The following XKR9 variants were observed in gnomAD, a reference collection of about 807,000 sequenced individuals.
The protein encoded by XKR9 is XK related 9.
XKR9 carries 32 observed loss-of-function variants against 32.0 expected under a neutral mutation model. That is an observed-to-expected ratio of 1.00 (90% confidence interval 0.76 to 1.34). XKR9 has a LOEUF of 1.34. XKR9 is among the 40% of genes most tolerant of loss of function. The probability of loss-of-function intolerance (pLI) is 0.00; values close to 1 mark genes in which losing one functional copy is unlikely to be tolerated. For synonymous variants in XKR9, 168 were observed against 143.4 expected (o/e 1.17, Z -1.22); for missense variants, 546 against 429.7 (o/e 1.27, Z -2.39).
chr8:70,959,632 T>C, the XKR9 span, among the ~76,000 whole-genome samples: 3 of 152,244 alleles, frequency 2.0e-5, no homozygotes, highest in Non-Finnish European at 4.4e-5. Context: ...CTTTGTATGT[T>C]CTGAGTATCC....
At chr8:70,733,534 G>T (rs1341419012) in intron 4 of XKR9, among the ~76,000 whole-genome samples, 1 of 151,920 alleles carries the variant, frequency 6.6e-6, no homozygotes, top group East Asian at 1.9e-4. Flanking sequence ...TAATATAGTG[G>T]ATAAATCTAT....
At chr8:70,847,546 G>A in the XKR9 span, among the ~76,000 whole-genome samples, 1 of 151,742 alleles carries the variant, frequency 6.6e-6, no homozygotes, top group Non-Finnish European at 1.5e-5. Context: ...AAAGTTATTT[G>A]TTTGAAAAGA....
intron 2 of XKR9, among the ~76,000 whole-genome samples, chr8:70,745,867 TG>T (rs1236156912): frequency 1.3e-5 from 2 of 152,170 alleles, no homozygotes; most frequent in Non-Finnish European, 2.9e-5. Flanking sequence ...CTTGTGATTG[TG>T]GGGGTCAGAG....
At chr8:70,704,830 C>G (rs1254788412) in intron 3 of XKR9, among the ~76,000 whole-genome samples, 1 of 152,176 alleles carries the variant, frequency 6.6e-6, no homozygotes, top group African/African-American at 2.4e-5. Flanking sequence ...AGAAATCTTG[C>G]TTATAAATCC....
chr8:70,693,470 C>A (rs1805149930), intron 3 of XKR9, among the ~76,000 whole-genome samples: 1 of 152,184 alleles, frequency 6.6e-6, no homozygotes, highest in African/African-American at 2.4e-5. Context: ...AGTATAGGTT[C>A]CTCTCTCCCT....
chr8:70,814,586 A>T, the XKR9 span, among the ~76,000 whole-genome samples: 2 of 152,116 alleles, frequency 1.3e-5, no homozygotes, highest in Non-Finnish European at 2.9e-5. Flanking sequence ...AACTAGAAAG[A>T]ACATATCTAA....
intron 4 of XKR9, among the ~76,000 whole-genome samples, chr8:70,733,208 G>T (rs947423123): frequency 6.6e-6 from 1 of 152,176 alleles, no homozygotes; most frequent in Non-Finnish European, 1.5e-5. Flanking sequence ...AAAGTTGTAA[G>T]TTTTAGAACA....
chr8:70,869,046 G>A, the XKR9 span, among the ~76,000 whole-genome samples: 8 of 152,102 alleles, frequency 5.3e-5, no homozygotes, highest in South Asian at 2.1e-4. Context: ...ATTTTCATCC[G>A]AGACCACCTC....
the XKR9 span, among the ~76,000 whole-genome samples, chr8:71,029,051 G>C: frequency 1.4e-4 from 22 of 152,164 alleles, no homozygotes; most frequent in South Asian, 2.9e-3. Context: ...CTCCAGGTCC[G>C]TTGTCTTCCT....
At chr8:70,747,357 C>G (rs1324670171) in intron 2 of XKR9, among the ~76,000 whole-genome samples, 1 of 152,162 alleles carries the variant, frequency 6.6e-6, no homozygotes, top group Non-Finnish European at 1.5e-5. Flanking sequence ...GGGATTGGGT[C>G]ATGAATGCAT....
chr8:70,937,346 G>A, the XKR9 span, among the ~76,000 whole-genome samples: 157 of 152,112 alleles, frequency 1.0e-3, 1 homozygote, highest in Middle Eastern at 6.8e-3. Flanking sequence ...TTTAACACAT[G>A]ATTTAACTGG....
At chr8:70,771,171 T>C (rs112960263) in intron 2 of XKR9, among the ~76,000 whole-genome samples, 7 of 152,232 alleles carry the variant, frequency 4.6e-5, no homozygotes, top group African/African-American at 1.7e-4. Context: ...GGGACGGAGT[T>C]CCCTGACCCC....
At chr8:70,688,811 G>A (rs759697745) in intron 3 of XKR9, among the ~76,000 whole-genome samples, 1 of 151,496 alleles carries the variant, frequency 6.6e-6, no homozygotes, top group Non-Finnish European at 1.5e-5. Context: ...TTATAAAGTT[G>A]GGATACTTTA....
the XKR9 span, among the ~76,000 whole-genome samples, chr8:70,833,953 T>C: frequency 2.0e-3 from 305 of 152,282 alleles, 1 homozygote; most frequent in African/African-American, 7.1e-3. Context: ...AAGATTATCA[T>C]GTAATAATTC....
intron 2 of XKR9, among the ~76,000 whole-genome samples, chr8:70,773,111 T>G (rs1807475628): frequency 6.6e-6 from 1 of 152,198 alleles, no homozygotes; most frequent in African/African-American, 2.4e-5. Context: ...GGCTCCAATA[T>G]TTTGATTACT....
downstream of XKR9, among the ~76,000 whole-genome samples, chr8:70,740,687 C>T (rs1465992162): frequency 6.6e-6 from 1 of 152,188 alleles, no homozygotes; most frequent in Non-Finnish European, 1.5e-5. Flanking sequence ...TTCTGACAGA[C>T]AGGACCCTCA....
the XKR9 span, among the ~76,000 whole-genome samples, chr8:70,868,838 TAATTCTGA>T: frequency 6.6e-6 from 1 of 152,226 alleles, no homozygotes; most frequent in Admixed American, 6.5e-5. Flanking sequence ...GCTTCCCTTA[TAATTCTGA>T]ATGCCTTTAA....
the XKR9 span, among the ~76,000 whole-genome samples, chr8:70,961,467 G>A: frequency 1.5e-3 from 233 of 152,302 alleles, 1 homozygote; most frequent in Non-Finnish European, 2.2e-3. Context: ...AAATGGGGAC[G>A]TGTTTGGACA....
intron 3 of XKR9, among the ~76,000 whole-genome samples, chr8:70,697,150 C>G (rs979801966): frequency 6.7e-6 from 1 of 149,690 alleles, no homozygotes; most frequent in African/African-American, 2.4e-5. Flanking sequence ...TTGACTTCCT[C>G]TTTTCCTAGT....
Sources: gnomAD v4.1 joint callset for allele counts (sites outside exome capture counted in the v4.1 genomes callset) on GRCh38, gnomAD v4.1.1 for gene constraint, MANE v1.5 for transcripts, NCBI Gene and HGNC (gene_info 2026-07-23, HGNC 2026-07-21) for gene names.